Variants in LAMB3 observed in about 807,000 individuals in gnomAD.
LAMB3 encodes the protein laminin subunit beta-3.
Under a neutral mutation model 140.3 loss-of-function variants are expected in LAMB3, and 104 were observed. The observed-to-expected ratio is 0.74, with a 90% confidence interval of 0.63 to 0.87. LAMB3 has a LOEUF of 0.87. Ranked by LOEUF, LAMB3 falls within the 40% of genes least tolerant of loss-of-function variation. The pLI, the probability that LAMB3 is intolerant of heterozygous loss-of-function variation, is 0.00. For synonymous variants in LAMB3, 592 were observed against 602.9 expected, an observed-to-expected ratio of 0.98 and a Z score of 0.26; for missense variants, 1,531 against 1,575.2, an observed-to-expected ratio of 0.97 and a Z score of 0.47.
At chr1:209,631,699 T>C (rs754841206) in intron 8 of LAMB3, among the ~76,000 whole-genome samples, 2 of 152,204 alleles carry the variant, frequency 1.3e-5, no homozygotes, top group African/African-American at 2.4e-5. Flanking sequence ...CATAGCATGT[T>C]GTATTCCCTC....
At chr1:209,626,746 C>T (rs1367209574) in intron 13 of LAMB3, 121 bp downstream of exon 13, 1 of 769,874 alleles carries the variant, frequency 1.3e-6, no homozygotes, top group African/African-American at 1.7e-5. Context: ...TGCCCAGGCC[C>T]ACACCACATG....
At chr1:209,630,048 G>A in intron 9 of LAMB3, 123 bp from the exon 10 acceptor site, 1 of 890,164 alleles carries the variant, frequency 1.1e-6, no homozygotes, top group Non-Finnish European at 1.8e-6. Flanking sequence ...AGGGAAGTGG[G>A]GAAACTGAGG....
At position 209,625,903 on chromosome 1, in the gene LAMB3, C is replaced by A; in HGVS notation, c.1721G>T (p.Arg574Leu). ...CDQCQRGYCNRYPVCVACHPC... is the reference protein window; with the variant it reads ...CDQCQRGYCNLYPVCVACHPC... Reference sequence around the variant, plus strand: ...GTGGCAGGCCACGCACACCGGGTAGCGATTACAGTAGCCTCGCTGGCACTG... The same window carrying A: ...GTGGCAGGCCACGCACACCGGGTAGAGATTACAGTAGCCTCGCTGGCACTG... The change falls in exon 14 of 23, where the codon CGC becomes CTC. Residue 574 changes from arginine to leucine, a missense_variant. Arg to Leu is a moderately radical substitution (Grantham distance 102, BLOSUM62 -2). Coordinates refer to ENST00000356082, the MANE Select transcript of LAMB3 (RefSeq NM_000228.3). The A allele has an allele frequency of 3.1e-6, 5 of 1,613,816 alleles. No individual in the cohort carries two copies. The South Asian group carries it at 5.5e-5, about 18-fold the overall frequency.
chr1:209,635,547 C>T (rs764910948), intron 5 of LAMB3, among the ~76,000 whole-genome samples: 5 of 152,112 alleles, frequency 3.3e-5, no homozygotes, highest in Non-Finnish European at 7.4e-5. Context: ...GAATTACAGG[C>T]GCACACCACC....
At chr1:209,630,856 TC>T in intron 8 of LAMB3, 121 bp from the exon 9 acceptor site, 2 of 1,136,632 alleles carry the variant, frequency 1.8e-6, no homozygotes, top group South Asian at 1.3e-5. Context: ...TCCCAACCCT[TC>T]CAGGAAGCTT....
chr1:209,638,910 G>A (rs1198051371), intron 3 of LAMB3, among the ~76,000 whole-genome samples: 2 of 150,830 alleles, frequency 1.3e-5, no homozygotes, highest in Non-Finnish European at 2.9e-5. Context: ...AGAGGTACGA[G>A]GTGGGAAAAA....
chr1:209,625,539 G>T (rs1480173810), intron 14 of LAMB3, 109 bp downstream of exon 14: 7 of 1,361,130 alleles, frequency 5.1e-6, no homozygotes, highest in Admixed American at 3.4e-5. Context: ...CTGTGAAAAT[G>T]CCTTTAAACT....
At chr1:209,641,408 G>A (rs1224349512) in intron 3 of LAMB3, among the ~76,000 whole-genome samples, 1 of 152,118 alleles carries the variant, frequency 6.6e-6, no homozygotes, top group African/African-American at 2.4e-5. Flanking sequence ...ATTTACAGAG[G>A]GGAATGCTGA....
intron 5 of LAMB3, among the ~76,000 whole-genome samples, chr1:209,636,179 A>AT: frequency 7.0e-6 from 1 of 142,642 alleles, no homozygotes; most frequent in Middle Eastern, 3.5e-3. Flanking sequence ...CTTGCTTTTT[A>AT]TTCTTTTCCT....
At chr1:209,645,692 G>T (rs1280663395) in intron 3 of LAMB3, among the ~76,000 whole-genome samples, 1 of 150,550 alleles carries the variant, frequency 6.6e-6, no homozygotes, top group Non-Finnish European at 1.5e-5. Context: ...CTCCAGCCTG[G>T]GTGGCAGAGC....
At chr1:209,645,924 G>T (rs1215091851) in intron 3 of LAMB3, among the ~76,000 whole-genome samples, 1 of 152,206 alleles carries the variant, frequency 6.6e-6, no homozygotes, top group Non-Finnish European at 1.5e-5. Context: ...GGGGGATAAG[G>T]GTGCATTTAC....
At position 209,650,959 on chromosome 1, in the gene LAMB3, G is replaced by T. The variant is rs764990667; in HGVS notation, c.-15C>A. 1 of 1,614,066 alleles carries T rather than the reference G, an allele frequency of 6.2e-7. No individual in the cohort carries two copies. The highest frequency in any genetic ancestry group is 8.5e-7 in the Non-Finnish European group (1 of 1,179,910). ...AATGGTCTCATCTTCAGCCAATGGG[G>T]TGATCCCCAGAAAGGACCTTTCCTA... On this transcript the variant is annotated 5_prime_UTR_variant, in exon 2 of 23. Coordinates refer to ENST00000356082, the MANE Select transcript of LAMB3 (RefSeq NM_000228.3).
In LAMB3 at chr1:209,615,129, T is replaced by C. The variant is rs1030703895; in HGVS notation, c.*142A>G. On this transcript the variant is annotated 3_prime_UTR_variant, in exon 23 of 23. Transcript: ENST00000356082. ...CAGCTGCAGCTCAGGGTAATCTTAC[T>C]AGCTACACACCAGGGGTGGTCCAGG... is the stretch of plus-strand genomic sequence containing the variant. 1 of 970,016 alleles carries C rather than the reference T, an allele frequency of 1.0e-6. No homozygotes were observed. Among genetic ancestry groups the C allele is most frequent in the African/African-American group, 1.6e-5 (1 of 62,596 alleles). The allele number at this position is 970,016 out of a possible 1,614,324, so 60.1% of individuals were successfully genotyped here. A position where few individuals can be genotyped will look rare whatever the true frequency, so the allele number is the denominator to read the frequency against.
At chr1:209,640,040 C>G (rs2076454346) in intron 3 of LAMB3, among the ~76,000 whole-genome samples, 1 of 152,224 alleles carries the variant, frequency 6.6e-6, no homozygotes, top group South Asian at 2.1e-4. Flanking sequence ...CAGCCTGCAA[C>G]AGGAGAGAGC....
intron 18 of LAMB3, among the ~76,000 whole-genome samples, chr1:209,621,551 A>G (rs963895255): frequency 1.3e-5 from 2 of 152,240 alleles, no homozygotes; most frequent in Non-Finnish European, 1.5e-5. Flanking sequence ...CCTGGCAGGA[A>G]CCAGAAATCT....
In LAMB3 at chr1:209,623,175, C is replaced by T; in HGVS notation, c.2363G>A (p.Cys788Tyr). The part of the protein sequence containing the change: ...PDLTPTFNKL[C>Y]GNSRQMACTP... ...GCAAGCCATCTGCCTGGAGTTGCCA[C>T]AGAGCTGTGGACAGATGGCGGTGTT... The change falls in exon 17 of 23, where the codon TGT (cysteine) becomes TAT (tyrosine). Residue 788 changes from cysteine (C) to tyrosine (Y), a missense_variant. Cys to Tyr is a radical substitution (Grantham distance 194). Coordinates refer to ENST00000356082, the MANE Select transcript of LAMB3 (RefSeq NM_000228.3). The surrounding 1 kb of genome is among the most constrained non-coding windows in gnomAD (Gnocchi z 4.2). 1 of 1,614,208 alleles carries T rather than the reference C, an allele frequency of 6.2e-7. No individual in the cohort carries two copies. Among genetic ancestry groups the T allele is most frequent in the Non-Finnish European group, 8.5e-7 (1 of 1,180,028 alleles).
intron 3 of LAMB3, among the ~76,000 whole-genome samples, chr1:209,646,145 C>T (rs1315918835): frequency 6.6e-6 from 1 of 152,182 alleles, no homozygotes; most frequent in Non-Finnish European, 1.5e-5. Flanking sequence ...TTTAGGGGAG[C>T]AGACACAACA....
At chr1:209,627,982 G>C in intron 11 of LAMB3, 53 bp downstream of exon 11, 3 of 1,551,364 alleles carry the variant, frequency 1.9e-6, no homozygotes, top group East Asian at 2.4e-5. Context: ...CCGTGGGTCT[G>C]GTGGCCCCAT....
intron 12 of LAMB3, 81 bp from the exon 13 acceptor site, chr1:209,627,059 C>T (rs1666487394): frequency 9.5e-7 from 1 of 1,052,434 alleles, no homozygotes; most frequent in Non-Finnish European, 1.4e-6. Flanking sequence ...GTCCTAGATT[C>T]CTGGTCCACA....
Sources: gnomAD v4.1 joint callset for allele counts (sites outside exome capture counted in the v4.1 genomes callset) on GRCh38, gnomAD v4.1.1 for gene constraint, Gnocchi (gnomAD v3.1) non-coding constraint, MANE v1.5 for transcripts, NCBI Gene and HGNC (gene_info 2026-07-23, HGNC 2026-07-21) for gene names.